Variants in TIAM2 observed in about 807,000 individuals in gnomAD.
The protein encoded by TIAM2 is rho guanine nucleotide exchange factor TIAM2.
A neutral mutation model predicts 152.9 loss-of-function variants in TIAM2; 80 were observed. The ratio of observed to expected loss-of-function variants is 0.52; its 90% CI spans 0.44 to 0.63. The LOEUF is 0.63. TIAM2 is among the 30% of genes least tolerant of loss of function. The pLI, the probability that TIAM2 is intolerant of heterozygous loss-of-function variation, is 0.00. For missense variants in TIAM2, 1,965 were observed against 2,120.1 expected (o/e 0.93, Z 1.44); for synonymous variants, 804 against 838.0 (o/e 0.96, Z 0.70).
At chr6:155,244,224 C>A (rs895817368) in intron 17 of TIAM2, 145 bp downstream of exon 17, 6 of 786,598 alleles carry the variant, frequency 7.6e-6, no homozygotes, top group Non-Finnish European at 1.2e-5. Flanking sequence ...CAGGCATAGC[C>A]TCCTCCTAAA....
At chr6:155,075,540 C>T (rs1554228454) in intron 1 of TIAM2, among the ~76,000 whole-genome samples, 3 of 152,158 alleles carry the variant, frequency 2.0e-5, no homozygotes, top group Non-Finnish European at 2.9e-5. Flanking sequence ...TGTAATAACA[C>T]AGAAGGAGAG....
At chr6:155,098,640 A>C (rs989962294) in intron 2 of TIAM2, among the ~76,000 whole-genome samples, 1 of 152,220 alleles carries the variant, frequency 6.6e-6, no homozygotes, top group Non-Finnish European at 1.5e-5. Flanking sequence ...TTTGAACAAA[A>C]GGGTAATTTG....
intron 14 of TIAM2, among the ~76,000 whole-genome samples, chr6:155,210,113 G>GGCT (rs1448399699): frequency 6.6e-6 from 1 of 152,158 alleles, no homozygotes; most frequent in Non-Finnish European, 1.5e-5. Flanking sequence ...TTTTGATAGA[G>GGCT]GCTGGTCTTT....
chr6:155,179,301 G>GA (rs1177506794), intron 11 of TIAM2, 77 bp from the exon 12 acceptor site: 1 of 1,519,346 alleles, frequency 6.6e-7, no homozygotes, highest in Non-Finnish European at 9.1e-7. Context: ...CTTGTTTTAT[G>GA]AAAAATAGTG....
chr6:155,106,304 C>A (rs968434032), intron 2 of TIAM2, among the ~76,000 whole-genome samples: 17 of 152,022 alleles, frequency 1.1e-4, no homozygotes, highest in African/African-American at 3.1e-4. Flanking sequence ...CATGCCCAGC[C>A]TTTTTGGGGT....
rs547626070 is a variant in TIAM2 at position 155,218,271 on chromosome 6, G to A, written c.3168+6964G>A. ...TGACTAAATTCCTATTTTAATGCACGGAGAGATGGCCTCCTCAAGGCAAAC... is the reference window on the plus strand; with the variant it reads ...TGACTAAATTCCTATTTTAATGCACAGAGAGATGGCCTCCTCAAGGCAAAC... On this transcript the variant is annotated intron_variant, in intron 15 of 26. Transcript: ENST00000682666. This position sits in a 1 kb window ranked among gnomAD's most constrained non-coding sequence, Gnocchi z 4.5. Among the ~76,000 whole-genome samples, 23 of 152,206 alleles carry A rather than the reference G, an allele frequency of 1.5e-4. No individual in the cohort carries two copies. Among genetic ancestry groups the A allele is most frequent in the African/African-American group, 4.6e-4 (19 of 41,540 alleles).
intron 15 of TIAM2, among the ~76,000 whole-genome samples, chr6:155,220,667 T>C (rs575540291): frequency 4.7e-4 from 72 of 152,090 alleles, no homozygotes; most frequent in African/African-American, 1.5e-3. Context: ...GAGAAGAGTT[T>C]AATGAAAAAA....
chr6:155,052,932 T>C (rs1777351650), intron 1 of TIAM2, among the ~76,000 whole-genome samples: 1 of 152,226 alleles, frequency 6.6e-6, no homozygotes, highest in Admixed American at 6.5e-5. Context: ...TTTGTTTTGT[T>C]GACTGCTATT....
intron 15 of TIAM2, among the ~76,000 whole-genome samples, chr6:155,236,991 G>C (rs1782796252): frequency 1.3e-5 from 2 of 152,110 alleles, no homozygotes; most frequent in African/African-American, 4.8e-5. Flanking sequence ...GTCCCCCAAA[G>C]TCTCAACTCA....
At chr6:155,137,767 C>T (rs1225257161) in intron 5 of TIAM2, among the ~76,000 whole-genome samples, 155 bp downstream of exon 5, 1 of 152,216 alleles carries the variant, frequency 6.6e-6, no homozygotes, top group East Asian at 1.9e-4. Context: ...CTTTCTCACA[C>T]CCGTGAAATA....
chr6:155,106,160 A>G (rs1347695934), intron 2 of TIAM2, among the ~76,000 whole-genome samples: 1 of 151,774 alleles, frequency 6.6e-6, no homozygotes, highest in Non-Finnish European at 1.5e-5. Context: ...GTGTATCACC[A>G]CACCTGGCTA....
Position 155,176,842 on chromosome 6 carries a change from T to C in TIAM2, c.2388T>C (p.Gly796=). 1.2e-6 allele frequency: 2 copies of C among 1,613,416 alleles called. No individual in the cohort carries two copies. The highest frequency in any genetic ancestry group is 2.2e-5 in the South Asian group (2 of 90,946). The part of the protein sequence containing the change: ...TQVDELLHIY[G]STVDGVPRDN... Reference sequence around the variant, plus strand: ...TCGATGAACTTCTGCATATATATGGTTCAACAGTAGACGGTGTTCCCCGAG... The same window carrying C: ...TCGATGAACTTCTGCATATATATGGCTCAACAGTAGACGGTGTTCCCCGAG... Residue 796 remains glycine (G), a synonymous_variant, in exon 10 of 27, where the codon GGT becomes GGC. Coordinates refer to ENST00000682666, the MANE Select transcript of TIAM2 (RefSeq NM_012454.4).
intron 4 of TIAM2, among the ~76,000 whole-genome samples, chr6:155,136,084 C>G (rs1443312524): frequency 6.7e-6 from 1 of 149,992 alleles, no homozygotes; most frequent in Non-Finnish European, 1.5e-5. Flanking sequence ...ATCCCAGATA[C>G]TTGGGAGGCC....
intron 1 of TIAM2, among the ~76,000 whole-genome samples, chr6:155,010,209 A>C (rs1320884561): frequency 1.3e-5 from 2 of 152,150 alleles, no homozygotes; most frequent in Non-Finnish European, 2.9e-5. Context: ...TATGACTTTG[A>C]GGTTGTGCCT....
chr6:155,102,009 T>C (rs1183594512), intron 2 of TIAM2, among the ~76,000 whole-genome samples: 1 of 151,870 alleles, frequency 6.6e-6, no homozygotes, highest in Admixed American at 6.6e-5. Flanking sequence ...CCTTTTTTTT[T>C]TGAGACACAG....
rs959933254 is a variant in TIAM2, at chr6:155,139,407, C to T, written c.1630+1795C>T. Among the ~76,000 whole-genome samples the T allele has an allele frequency of 2.0e-5, 3 of 152,348 alleles. No homozygotes were observed. In the South Asian group the frequency reaches 6.2e-4, roughly 32 times the overall value. ...CCTCACACGCTGCAGTCCTCTTTTCCATCCCTAGATTTGGATGCTTGTAGA... is the reference window on the plus strand; with the variant it reads ...CCTCACACGCTGCAGTCCTCTTTTCTATCCCTAGATTTGGATGCTTGTAGA... On this transcript the variant is annotated intron_variant, in intron 5 of 26. Transcript: ENST00000682666.
chr6:155,089,947 A>T (rs113272598), intron 1 of TIAM2, among the ~76,000 whole-genome samples: 2 of 152,142 alleles, frequency 1.3e-5, no homozygotes, highest in Middle Eastern at 3.4e-3. Flanking sequence ...TCCGTCCGTC[A>T]GTCTGTCTGT....
intron 26 of TIAM2, 146 bp downstream of exon 26, chr6:155,254,719 T>C (rs1783891534): frequency 9.7e-7 from 1 of 1,031,378 alleles, no homozygotes; most frequent in Non-Finnish European, 1.4e-6. Context: ...TAAACATGCC[T>C]CTTGCTCCCA....
At chr6:155,053,466 C>CTTTTTTTT (rs11401916) in intron 1 of TIAM2, among the ~76,000 whole-genome samples, 7 of 127,266 alleles carry the variant, frequency 5.5e-5, no homozygotes, top group Non-Finnish European at 6.4e-5. Context: ...ATTCTTGCAG[C>CTTTTTTTT]TTTTTTTTTT....
Sources: allele counts gnomAD v4.1 joint callset (sites outside exome capture counted in the v4.1 genomes callset), GRCh38; gene constraint gnomAD v4.1.1; non-coding constraint Gnocchi (gnomAD v3.1); transcripts MANE v1.5; gene names NCBI Gene and HGNC (gene_info 2026-07-23, HGNC 2026-07-21).